NBAS: variants seen among roughly 807,000 people sequenced by gnomAD.
NBAS encodes NAG/BC035112 fusion.
Under a neutral mutation model 302.5 loss-of-function variants are expected in NBAS, and 219 were observed. The ratio of observed to expected loss-of-function variants is 0.72; its 90% CI spans 0.65 to 0.81. The LOEUF (loss-of-function observed/expected upper bound fraction) is 0.81. Among genes scored for constraint, NBAS ranks in the 30% least tolerant of loss-of-function variants. The pLI, the probability that NBAS is intolerant of heterozygous loss-of-function variation, is 0.00. For missense variants in NBAS, 2,932 were observed against 2,841.6 expected, an observed-to-expected ratio of 1.03 and a Z score of -0.72; for synonymous variants, 1,118 against 1,021.6, an observed-to-expected ratio of 1.09 and a Z score of -1.80.
chr2:15,366,467 A>G (rs1406986344), intron 32 of NBAS, 113 bp downstream of exon 32: 13 of 1,014,754 alleles, frequency 1.3e-5, no homozygotes, highest in Non-Finnish European at 2.0e-5. Flanking sequence ...GACCCTGTCT[A>G]ATAAAAAAGC....
At chr2:15,019,349 T>C in the NBAS span, among the ~76,000 whole-genome samples, 1 of 152,204 alleles carries the variant, frequency 6.6e-6, no homozygotes, top group African/African-American at 2.4e-5. Context: ...GGCTTATTCA[T>C]CAAAAGTTTG....
At chr2:14,905,225 C>T in the NBAS span, among the ~76,000 whole-genome samples, 1 of 152,180 alleles carries the variant, frequency 6.6e-6, no homozygotes, top group Non-Finnish European at 1.5e-5. Flanking sequence ...CTTTACCAGC[C>T]ATCTAGACAT....
chr2:15,136,413 T>G, the NBAS span, among the ~76,000 whole-genome samples: 2 of 152,230 alleles, frequency 1.3e-5, no homozygotes, highest in Admixed American at 1.3e-4. Flanking sequence ...CTTCAAGTGT[T>G]CTATTGTAGC....
At chr2:15,049,374 G>T in the NBAS span, among the ~76,000 whole-genome samples, 1 of 152,176 alleles carries the variant, frequency 6.6e-6, no homozygotes, top group Admixed American at 6.5e-5. Flanking sequence ...GTCCTCTCTG[G>T]GGCCTTGCCT....
chr2:15,270,638 C>T (rs1669276427), intron 44 of NBAS, among the ~76,000 whole-genome samples: 1 of 152,174 alleles, frequency 6.6e-6, no homozygotes, highest in African/African-American at 2.4e-5. Context: ...CTACTTTATA[C>T]TGTGCTAGGA....
At chr2:14,959,481 T>C in the NBAS span, among the ~76,000 whole-genome samples, 126,769 of 152,162 alleles carry the variant, frequency 0.83, 53,105 homozygotes, top group African/African-American at 0.92. Flanking sequence ...ATTGCAACTG[T>C]GATCAAGGCT....
intron 51 of NBAS, among the ~76,000 whole-genome samples, chr2:15,175,810 G>A (rs1664510299): frequency 6.6e-6 from 1 of 152,190 alleles, no homozygotes. Context: ...ACAATCTCTG[G>A]CATCAGCACT....
chr2:15,395,873 C>T (rs1167325536), intron 27 of NBAS, among the ~76,000 whole-genome samples: 1 of 151,904 alleles, frequency 6.6e-6, no homozygotes, highest in Non-Finnish European at 1.5e-5. Flanking sequence ...TTTCAATCTC[C>T]AGAAGAGATA....
chr2:14,880,628 A>G, the NBAS span, among the ~76,000 whole-genome samples: 1 of 152,166 alleles, frequency 6.6e-6, no homozygotes, highest in African/African-American at 2.4e-5. Flanking sequence ...AAGAGTAATC[A>G]GTCAGGAGAA....
At chr2:14,823,656 C>G in the NBAS span, among the ~76,000 whole-genome samples, 3 of 152,134 alleles carry the variant, frequency 2.0e-5, no homozygotes, top group African/African-American at 7.2e-5. Flanking sequence ...AAAGCAAACT[C>G]AAGTGACATT....
intron 38 of NBAS, among the ~76,000 whole-genome samples, chr2:15,322,692 A>T (rs1671868114): frequency 5.9e-5 from 9 of 152,184 alleles, no homozygotes; most frequent in Admixed American, 5.9e-4. Flanking sequence ...TTGTATTATG[A>T]CCTACTTCTA....
chr2:15,136,247 T>G, the NBAS span, among the ~76,000 whole-genome samples: 503 of 152,318 alleles, frequency 3.3e-3, 1 homozygote, highest in African/African-American at 0.012. Flanking sequence ...TGAGAGTGTA[T>G]TCTTTTATCA....
chr2:15,015,768 A>G, the NBAS span, among the ~76,000 whole-genome samples: 2 of 152,168 alleles, frequency 1.3e-5, no homozygotes, highest in Non-Finnish European at 2.9e-5. Context: ...TATTCAACAT[A>G]GTACTGGAAG....
At chr2:14,935,658 C>A in the NBAS span, among the ~76,000 whole-genome samples, 1 of 152,056 alleles carries the variant, frequency 6.6e-6, no homozygotes, top group East Asian at 1.9e-4. Context: ...TGTTTAAATG[C>A]CCATCATAAT....
At chr2:15,080,116 A>G in the NBAS span, among the ~76,000 whole-genome samples, 3 of 152,192 alleles carry the variant, frequency 2.0e-5, no homozygotes, top group Non-Finnish European at 1.5e-5. Context: ...AGCAAGTCCC[A>G]TCATACCATG....
At chr2:15,057,236 G>C in the NBAS span, among the ~76,000 whole-genome samples, 1 of 149,062 alleles carries the variant, frequency 6.7e-6, no homozygotes, top group African/African-American at 2.5e-5. Flanking sequence ...CATCTTTCCA[G>C]ATGCAAGCAC....
chr2:14,885,871 A>G, the NBAS span, among the ~76,000 whole-genome samples: 1 of 152,226 alleles, frequency 6.6e-6, no homozygotes, highest in East Asian at 1.9e-4. Flanking sequence ...GTTAGATTTG[A>G]CATGTGGTAA....
At chr2:14,800,785 G>GTTTTT in the NBAS span, among the ~76,000 whole-genome samples, 594 of 129,382 alleles carry the variant, frequency 4.6e-3, 26 homozygotes, top group African/African-American at 0.015. Context: ...GATTTAAATT[G>GTTTTT]TTTTTGTTTT....
the NBAS span, among the ~76,000 whole-genome samples, chr2:15,077,004 G>T: frequency 6.6e-6 from 1 of 152,140 alleles, no homozygotes; most frequent in Non-Finnish European, 1.5e-5. Flanking sequence ...TCTATATGTT[G>T]TTTCAAGGCT....
Sources: allele counts gnomAD v4.1 joint callset (sites outside exome capture counted in the v4.1 genomes callset), GRCh38; gene constraint gnomAD v4.1.1; transcripts MANE v1.5; gene names NCBI Gene and HGNC (gene_info 2026-07-23, HGNC 2026-07-21).